HEATR9: variants seen among roughly 807,000 people sequenced by gnomAD.
HEATR9 encodes protein HEATR9.
A neutral mutation model predicts 68.2 loss-of-function variants in HEATR9; 54 were observed. The observed-to-expected ratio is 0.79, with a 90% CI of 0.64 to 0.99. HEATR9 has a LOEUF of 0.99. Among genes scored for constraint, HEATR9 ranks in the 50% least tolerant of loss-of-function variants. The probability of loss-of-function intolerance (pLI) is 0.00; values close to 1 mark genes in which losing one functional copy is unlikely to be tolerated. For missense variants in HEATR9, 662 were observed against 679.7 expected, an observed-to-expected ratio of 0.97 and a Z score of 0.29; for synonymous variants, 241 against 253.5, an observed-to-expected ratio of 0.95 and a Z score of 0.47.
chr17:35,855,860 A>T, intron 13 of HEATR9, 110 bp from the exon 14 acceptor site: 1 of 926,200 alleles, frequency 1.1e-6, no homozygotes, highest in Non-Finnish European at 1.7e-6. Context: ...GAGGGGGGAG[A>T]TAGGGTTTCC....
chr17:35,858,766 A>G (rs1194666944), intron 9 of HEATR9, 122 bp downstream of exon 9: 2 of 1,112,984 alleles, frequency 1.8e-6, no homozygotes, highest in Admixed American at 2.0e-5. Context: ...ATACATGGAC[A>G]TAGTCATAAG....
intron 14 of HEATR9, 70 bp from the exon 15 acceptor site, chr17:35,855,480 A>T: frequency 6.9e-7 from 1 of 1,450,764 alleles, no homozygotes; most frequent in Non-Finnish European, 9.5e-7. Context: ...GAGAGGGGGC[A>T]CCCAAAGTAG....
At position 35,855,261 on chromosome 17, in the gene HEATR9, C is replaced by G; in HGVS notation, c.1515G>C (p.Glu505Asp). 2 of 1,614,204 alleles carry G rather than the reference C, an allele frequency of 1.2e-6. No individual in the cohort carries two copies. The highest frequency in any genetic ancestry group is 1.1e-5 in the South Asian group (1 of 91,086). Residue 505 changes from glutamate to aspartate, a missense_variant, in exon 15 of 15, where the codon GAG becomes GAC. Coordinates refer to ENST00000604834, the MANE Select transcript of HEATR9 (RefSeq NM_152781.4). ...RFQKEPENPEELTIQDFRLAK... is the reference protein window; with the variant it reads ...RFQKEPENPEDLTIQDFRLAK... ...CAAGTCGAAAGTCTTGAATAGTTAA[C>G]TCTTCTGGGTTCTCAGGCTCTTTCT...
chr17:35,864,282 G>A lies in HEATR9; in HGVS notation c.531C>T (p.Ile177=), dbSNP rs2143955825. Residue 177 remains isoleucine, a synonymous_variant, in exon 6 of 15, where the codon ATC becomes ATT. Coordinates refer to ENST00000604834, the MANE Select transcript of HEATR9 (RefSeq NM_152781.4). ...YAAQALGCLR[I]SDKFVMEALQ... ...GTGCCTCCATGACAAACTTGTCACT[G>A]ATGCGTAAGCATCCCAGAGCCTGCA... The A allele has an allele frequency of 6.2e-7, 1 of 1,613,026 alleles. No homozygotes were observed. Among genetic ancestry groups the A allele is most frequent in the Non-Finnish European group, 8.5e-7 (1 of 1,178,976 alleles).
intron 1 of HEATR9, among the ~76,000 whole-genome samples, chr17:35,867,383 C>G (rs887361698): frequency 2.9e-5 from 4 of 139,512 alleles, no homozygotes; most frequent in Non-Finnish European, 6.0e-5. Context: ...TGCAGGGAGC[C>G]GAGATCATGC....
Position 35,858,832 on chromosome 17 carries a change from A to G in HEATR9, c.939+56T>C. On this transcript the variant is annotated intron_variant, in intron 9 of 14. Transcript: ENST00000604834. ...CAGGATGGCAGGATCCAGACCACAC[A>G]CAATTCAGCAGTGGCTTCTGTTTCC... 2.5e-6 allele frequency: 4 copies of G among 1,580,558 alleles called. No individual in the cohort carries two copies. The South Asian group carries it at 3.4e-5, about 14-fold the overall frequency.
intron 11 of HEATR9, among the ~76,000 whole-genome samples, chr17:35,857,994 T>A (rs188093408): frequency 5.5e-4 from 84 of 152,218 alleles, no homozygotes; most frequent in African/African-American, 2.0e-3. Context: ...TTTTACCTTA[T>A]AGAAGGAAGG....
At chr17:35,860,060 A>G (rs559573010) in intron 8 of HEATR9, among the ~76,000 whole-genome samples, 1 of 152,014 alleles carries the variant, frequency 6.6e-6, no homozygotes, top group South Asian at 2.1e-4. Flanking sequence ...TGTGTCTTAG[A>G]CCTTATCTCT....
chr17:35,858,371 C>T (rs1481291306), intron 10 of HEATR9, 52 bp from the exon 11 acceptor site: 6 of 1,613,934 alleles, frequency 3.7e-6, no homozygotes, highest in African/African-American at 2.7e-5. Flanking sequence ...GGATTCCCTT[C>T]TTCATCCCCT....
intron 2 of HEATR9, among the ~76,000 whole-genome samples, chr17:35,866,413 G>A (rs1393272049): frequency 2.0e-5 from 3 of 152,190 alleles, no homozygotes; most frequent in African/African-American, 7.2e-5. Flanking sequence ...AACCCAAACT[G>A]TGAGGGTTGC....
chr17:35,868,682 A>G lies in HEATR9; in HGVS notation c.61T>C (p.Trp21Arg). ...TTGGTCTTGTCTGGATATTCCAGCCATGGGTACAGGAACATTGACCTGGAG... is the reference window on the plus strand; with the variant it reads ...TTGGTCTTGTCTGGATATTCCAGCCGTGGGTACAGGAACATTGACCTGGAG... ...DVSRSMFLYPWLEYPDKTKEL... is the reference protein window; with the variant it reads ...DVSRSMFLYPRLEYPDKTKEL... The change falls in exon 1 of 15, where the codon TGG becomes CGG. Residue 21 changes from tryptophan (W) to arginine (R), a missense_variant. Trp to Arg is a moderately radical substitution (Grantham distance 101). Transcript: ENST00000604834. The G allele has an allele frequency of 6.2e-7, 1 of 1,614,142 alleles. No individual in the cohort carries two copies. The highest frequency in any genetic ancestry group is 8.5e-7 in the Non-Finnish European group (1 of 1,180,014).
chr17:35,860,972 G>A, intron 8 of HEATR9: 1 of 509,042 alleles, frequency 2.0e-6, no homozygotes, highest in South Asian at 1.9e-5. Context: ...CTTGAATCCG[G>A]GAGGCCGAGG....
In HEATR9 at chr17:35,864,852, A is replaced by T; in HGVS notation, c.359T>A (p.Phe120Tyr). The change falls in exon 4 of 15, where the codon TTC (phenylalanine) becomes TAC (tyrosine). Residue 120 changes from phenylalanine to tyrosine, a missense_variant. Coordinates refer to ENST00000604834, the MANE Select transcript of HEATR9 (RefSeq NM_152781.4). ...KEVHQTHIKM[F>Y]HLPMSKLTIK... ...AGTCAGCTTGCTCATTGGGAGATGGAACATTTTGATGTGGGTTTGATGTAC... is the reference window on the plus strand; with the variant it reads ...AGTCAGCTTGCTCATTGGGAGATGGTACATTTTGATGTGGGTTTGATGTAC... 6.2e-7 allele frequency: 1 copy of T among 1,614,208 alleles called. No homozygotes were observed. Among genetic ancestry groups the T allele is most frequent in the Non-Finnish European group, 8.5e-7 (1 of 1,180,034 alleles).
At chr17:35,864,669 A>T in intron 4 of HEATR9, 89 bp downstream of exon 4, 1 of 1,597,268 alleles carries the variant, frequency 6.3e-7, no homozygotes, top group Non-Finnish European at 8.6e-7. Flanking sequence ...TTTTCAGGCA[A>T]GGACTGAGGG....
chr17:35,856,340 C>T (rs2087770784), intron 12 of HEATR9, 116 bp from the exon 13 acceptor site: 1 of 1,609,896 alleles, frequency 6.2e-7, no homozygotes, highest in Non-Finnish European at 8.5e-7. Context: ...TAATTTCATT[C>T]ATTTCCTTCT....
intron 8 of HEATR9, chr17:35,861,143 CT>C: frequency 6.7e-7 from 1 of 1,492,068 alleles, no homozygotes; most frequent in Non-Finnish European, 9.3e-7. Context: ...AACTGCTTCC[CT>C]TTGCCTGCAA....
At position 35,859,083 on chromosome 17, in the gene HEATR9, C is replaced by T. The variant is rs1367289562; in HGVS notation, c.757-13G>A. 4 of 1,612,294 alleles carry T rather than the reference C, an allele frequency of 2.5e-6. No homozygotes were observed. The highest frequency in any genetic ancestry group is 3.4e-6 in the Non-Finnish European group (4 of 1,178,540). On this transcript the variant is annotated splice_polypyrimidine_tract_variant and intron_variant, in intron 8 of 14. Transcript: ENST00000604834. ...CGACTTGAGTCCTCTGTGAGGGAGA[C>T]AAAATGGCTAAGGGGAGGGGCTATG...
intron 14 of HEATR9, 21 bp downstream of exon 14, chr17:35,855,643 G>A (rs374330644): frequency 2.2e-5 from 36 of 1,605,532 alleles, no homozygotes; most frequent in East Asian, 1.1e-4. Context: ...AGGAAGAAGT[G>A]GGCAGGAACG....
intron 8 of HEATR9, 104 bp downstream of exon 8, chr17:35,862,891 T>A: frequency 6.6e-7 from 1 of 1,507,492 alleles, no homozygotes; most frequent in Non-Finnish European, 9.1e-7. Context: ...TCTTCCTCTA[T>A]CAAAGCTGTG....
Sources: allele counts gnomAD v4.1 joint callset (sites outside exome capture counted in the v4.1 genomes callset), GRCh38; gene constraint gnomAD v4.1.1; transcripts MANE v1.5; gene names NCBI Gene and HGNC (gene_info 2026-07-23, HGNC 2026-07-21).